Variants in VMP1 observed in about 807,000 individuals in gnomAD.
VMP1 encodes the protein vacuole membrane protein 1, also known as ectopic P-granules autophagy protein 3 homolog.
Under a neutral mutation model 56.0 loss-of-function variants are expected in VMP1, and 11 were observed. The observed-to-expected ratio is 0.20, with a 90% CI of 0.12 to 0.32. The LOEUF (loss-of-function observed/expected upper bound fraction) is 0.32. VMP1 is among the 10% of genes least tolerant of loss of function. The probability of loss-of-function intolerance (pLI) is 1.00; values close to 1 mark genes in which losing one functional copy is unlikely to be tolerated. For missense variants in VMP1, 296 were observed against 490.3 expected, an observed-to-expected ratio of 0.60 and a Z score of 3.74; for synonymous variants, 149 against 165.0, an observed-to-expected ratio of 0.90 and a Z score of 0.74.
At chr17:59,787,936 A>G (rs746938134) in intron 7 of VMP1, among the ~76,000 whole-genome samples, 1 of 152,204 alleles carries the variant, frequency 6.6e-6, no homozygotes, top group Non-Finnish European at 1.5e-5. Flanking sequence ...AAAACATTCT[A>G]AAAAATGTGG....
At chr17:59,797,161 C>G (rs1024068945) in intron 7 of VMP1, among the ~76,000 whole-genome samples, 11 of 150,298 alleles carry the variant, frequency 7.3e-5, no homozygotes, top group African/African-American at 2.2e-4. Context: ...GTGAAACCCC[C>G]CCCCCGTCTC....
chr17:59,833,097 A>G (rs2038870088), intron 10 of VMP1, among the ~76,000 whole-genome samples: 1 of 152,094 alleles, frequency 6.6e-6, no homozygotes, highest in Non-Finnish European at 1.5e-5. Context: ...ACTGTGTTGC[A>G]AATTATTACT....
chr17:59,756,756 C>T (rs879538053), intron 5 of VMP1, among the ~76,000 whole-genome samples: 1 of 152,112 alleles, frequency 6.6e-6, no homozygotes, highest in Admixed American at 6.5e-5. Context: ...GTATACTTGC[C>T]TGAATTAGGC....
chr17:59,835,916 C>A (rs1451325147), intron 10 of VMP1, among the ~76,000 whole-genome samples: 1 of 148,542 alleles, frequency 6.7e-6, no homozygotes, highest in Non-Finnish European at 1.5e-5. Context: ...TTGTTATATT[C>A]ATGTCATTTA....
chr17:59,731,940 C>A (rs2034840976), intron 2 of VMP1, among the ~76,000 whole-genome samples: 1 of 152,044 alleles, frequency 6.6e-6, no homozygotes, highest in Non-Finnish European at 1.5e-5. Context: ...TGAATAAACT[C>A]ATATTTTAAC....
chr17:59,735,449 T>C lies in VMP1; in HGVS notation c.188T>C (p.Val63Ala). 6.2e-7 allele frequency: 1 copy of C among 1,614,170 alleles called. No homozygotes were observed. Among genetic ancestry groups the C allele is most frequent in the Non-Finnish European group, 8.5e-7 (1 of 1,180,006 alleles). Residue 63 changes from valine (V) to alanine (A), a missense_variant, in exon 3 of 12, where the codon GTA becomes GCA. Coordinates refer to ENST00000262291, the MANE Select transcript of VMP1 (RefSeq NM_030938.5). The stretch of plus-strand genomic sequence containing the variant: ...CAGTATTTTTCTCTGGAAATCCTTG[T>C]AATCTTGAAGGAATGGACCTCAAAG... The part of the protein sequence containing the change: ...TLQYFSLEIL[V>A]ILKEWTSKLW...
chr17:59,819,972 C>T (rs1206303140), intron 10 of VMP1, among the ~76,000 whole-genome samples: 1 of 152,222 alleles, frequency 6.6e-6, no homozygotes, highest in African/African-American at 2.4e-5. Flanking sequence ...CATTACTTAG[C>T]TACTTGTTTC....
chr17:59,826,659 A>T (rs892622240), intron 10 of VMP1, among the ~76,000 whole-genome samples: 1 of 152,378 alleles, frequency 6.6e-6, no homozygotes, highest in Admixed American at 6.5e-5. Context: ...TTTCATATCC[A>T]TAACAAAACC....
chr17:59,753,908 G>T (rs1230674343), intron 5 of VMP1, among the ~76,000 whole-genome samples: 1 of 152,138 alleles, frequency 6.6e-6, no homozygotes, highest in African/African-American at 2.4e-5. Context: ...GAACTATTCA[G>T]TTACATTGTA....
intron 5 of VMP1, among the ~76,000 whole-genome samples, chr17:59,755,945 C>T (rs746755688): frequency 2.0e-5 from 3 of 151,966 alleles, no homozygotes; most frequent in African/African-American, 4.8e-5. Flanking sequence ...CTGTGTTGTC[C>T]GAGCTAGTCT....
At chr17:59,794,479 A>G (rs868371584) in intron 7 of VMP1, among the ~76,000 whole-genome samples, 2 of 145,982 alleles carry the variant, frequency 1.4e-5, no homozygotes, top group Non-Finnish European at 3.0e-5. Flanking sequence ...CGGCCTCCCA[A>G]AGTGCTGGGA....
At chr17:59,801,094 ATAT>A (rs1568173274) in intron 7 of VMP1, among the ~76,000 whole-genome samples, 66 of 97,244 alleles carry the variant, frequency 6.8e-4, no homozygotes, top group Non-Finnish European at 4.0e-4. Context: ...AAAAAAAAAT[ATAT>A]ATATATATAT....
chr17:59,807,764 G>A (rs1027503409), intron 7 of VMP1, among the ~76,000 whole-genome samples: 8 of 150,796 alleles, frequency 5.3e-5, no homozygotes, highest in Non-Finnish European at 3.0e-5. Flanking sequence ...CCCAGGAGGC[G>A]GAGGTTCCAG....
chr17:59,795,714 G>C (rs1043143926), intron 7 of VMP1, among the ~76,000 whole-genome samples: 1 of 151,920 alleles, frequency 6.6e-6, no homozygotes. Context: ...TCTTATTTTC[G>C]TTGTAAGATT....
intron 10 of VMP1, among the ~76,000 whole-genome samples, chr17:59,833,313 T>C (rs981687102): frequency 1.3e-5 from 2 of 152,112 alleles, no homozygotes; most frequent in Non-Finnish European, 2.9e-5. Context: ...CAAACTATAG[T>C]ATAAGAGTAC....
At position 59,732,295 on chromosome 17, in the gene VMP1, G is replaced by T. The variant is rs551531421; in HGVS notation, c.76+773G>T. On this transcript the variant is annotated intron_variant, in intron 2 of 11. Coordinates refer to ENST00000262291, the MANE Select transcript of VMP1 (RefSeq NM_030938.5). ...GGAATCTCACTCTGTCACCAGGCTG[G>T]AGTGCAATGGTGCGATCTTGGCTCA... Among the ~76,000 whole-genome samples the T allele has an allele frequency of 3.9e-5, 6 of 152,268 alleles. No individual in the cohort carries two copies. In the East Asian group the frequency reaches 1.2e-3, roughly 29 times the overall value.
intron 7 of VMP1, among the ~76,000 whole-genome samples, chr17:59,779,222 T>C (rs2036735371): frequency 6.6e-6 from 1 of 152,192 alleles, no homozygotes; most frequent in Admixed American, 6.5e-5. Flanking sequence ...GAGATCTCCA[T>C]TTAGTATGTG....
intron 5 of VMP1, among the ~76,000 whole-genome samples, chr17:59,740,001 T>C (rs1014867220): frequency 2.7e-5 from 4 of 145,662 alleles, no homozygotes; most frequent in Non-Finnish European, 4.5e-5. Context: ...GATGTGAACC[T>C]GGGAGGTGGA....
intron 8 of VMP1, among the ~76,000 whole-genome samples, chr17:59,810,589 G>GTT (rs2038023391): frequency 6.6e-6 from 1 of 152,168 alleles, no homozygotes; most frequent in African/African-American, 2.4e-5. Flanking sequence ...GTGTGATGCT[G>GTT]TGTAAATGAT....
Sources: gnomAD v4.1 joint callset for allele counts (sites outside exome capture counted in the v4.1 genomes callset) on GRCh38, gnomAD v4.1.1 for gene constraint, MANE v1.5 for transcripts, NCBI Gene and HGNC (gene_info 2026-07-23, HGNC 2026-07-21) for gene names.